POC1B: variants seen among roughly 807,000 people sequenced by gnomAD.
The protein encoded by POC1B is POC1 centriolar protein B.
A neutral mutation model predicts 60.6 loss-of-function variants in POC1B; 44 were observed. The ratio of observed to expected loss-of-function variants is 0.73; its 90% CI spans 0.57 to 0.93. POC1B has a LOEUF of 0.93. Among genes scored for constraint, POC1B ranks in the 40% least tolerant of loss-of-function variants. The pLI is 0.00. For synonymous variants in POC1B, 180 were observed against 198.9 expected (o/e 0.90, Z 0.80); for missense variants, 555 against 572.3 (o/e 0.97, Z 0.31).
chr12:89,467,818 G>C, intron 7 of POC1B, 133 bp from the exon 8 acceptor site: 2 of 512,280 alleles, frequency 3.9e-6, no homozygotes, highest in Non-Finnish European at 6.6e-6. Context: ...AAACACATCA[G>C]TTGCTAGCAA....
At chr12:89,407,219 C>CT in the POC1B span, among the ~76,000 whole-genome samples, 2 of 133,286 alleles carry the variant, frequency 1.5e-5, no homozygotes, top group Non-Finnish European at 3.2e-5. Flanking sequence ...TTTCTTTTTT[C>CT]TTTTTTTGGG....
chr12:89,498,114 T>C (rs1869348636), intron 2 of POC1B, among the ~76,000 whole-genome samples: 1 of 152,234 alleles, frequency 6.6e-6, no homozygotes, highest in Admixed American at 6.5e-5. Context: ...TATTTTAATA[T>C]AGCAACTATA....
intron 10 of POC1B, among the ~76,000 whole-genome samples, chr12:89,450,045 T>C: frequency 6.6e-6 from 1 of 152,176 alleles, no homozygotes; most frequent in Non-Finnish European, 1.5e-5. Flanking sequence ...CTAAGATGTT[T>C]GGGGATTGAT....
the POC1B span, among the ~76,000 whole-genome samples, chr12:89,407,366 G>A: frequency 1.1e-4 from 17 of 151,728 alleles, no homozygotes; most frequent in African/African-American, 3.4e-4. Flanking sequence ...CCAAGTAGCT[G>A]GGATTATAGG....
chr12:89,448,536 TG>T (rs1214459030), intron 10 of POC1B, among the ~76,000 whole-genome samples: 2 of 152,158 alleles, frequency 1.3e-5, no homozygotes, highest in Admixed American at 6.5e-5. Context: ...TGAAAATTAG[TG>T]ACAGGGCAGA....
rs1021599718 is a variant in POC1B, at chr12:89,522,916, C to G, written c.100+2204G>C. On this transcript the variant is annotated intron_variant, in intron 2 of 11. Transcript: ENST00000313546. The stretch of plus-strand genomic sequence containing the variant: ...TGTCCGATAAGCACTAAGACACAGT[C>G]CTGAGTGTGGGTGAAAAATAGTTCC... 7 of 1,613,920 alleles carry G rather than the reference C, an allele frequency of 4.3e-6. No homozygotes were observed. The African/African-American group carries it at 6.7e-5, about 15-fold the overall frequency.
rs372370001 is a variant in POC1B, at chr12:89,525,119, C to A, written c.100+1G>T. 6.2e-7 allele frequency: 1 copy of A among 1,614,038 alleles called. No individual in the cohort carries two copies. Among genetic ancestry groups the A allele is most frequent in the Non-Finnish European group, 8.5e-7 (1 of 1,179,898 alleles). ...AAAAGCAAAACAAGAATAAGACTTACCAAGTTGCTTGCCGTTGGGGCTGAG... is the reference window on the plus strand; with the variant it reads ...AAAAGCAAAACAAGAATAAGACTTAACAAGTTGCTTGCCGTTGGGGCTGAG... On this transcript the variant is annotated splice_donor_variant, in intron 2 of 11. Coordinates refer to ENST00000313546, the MANE Select transcript of POC1B (RefSeq NM_172240.3). LOFTEE classifies it high-confidence loss of function.
intron 9 of POC1B, among the ~76,000 whole-genome samples, chr12:89,465,424 T>C (rs1345314695): frequency 6.6e-6 from 1 of 152,048 alleles, no homozygotes; most frequent in Non-Finnish European, 1.5e-5. Flanking sequence ...CAAATGGATA[T>C]TTCCCTCCTG....
In POC1B at chr12:89,477,452, C is replaced by T. The variant is rs954068268; in HGVS notation, c.453-5177G>A. ...TGAGTACAACTGCTTGCTGGGCATCCCCTTTTGGATATCCTGCAGGAACCT... is the reference window on the plus strand; with the variant it reads ...TGAGTACAACTGCTTGCTGGGCATCTCCTTTTGGATATCCTGCAGGAACCT... On this transcript the variant is annotated intron_variant, in intron 4 of 11. Coordinates refer to ENST00000313546, the MANE Select transcript of POC1B (RefSeq NM_172240.3). Among the ~76,000 whole-genome samples the T allele has an allele frequency of 3.1e-4, 47 of 152,040 alleles. 1 individual carries two copies. The highest frequency in any genetic ancestry group is 1.1e-3 in the African/African-American group (46 of 41,400).
In POC1B at chr12:89,425,172, C is replaced by T; in HGVS notation, c.1321G>A (p.Val441Ile). Residue 441 changes from valine to isoleucine, a missense_variant, in exon 11 of 12, where the codon GTT (valine) becomes ATT (isoleucine). Physicochemically the swap from Val to Ile is conservative, Grantham distance 29 (BLOSUM62 3). Coordinates refer to ENST00000313546, the MANE Select transcript of POC1B (RefSeq NM_172240.3). ...TGTGTCATGCCCACCTGTGTCAAAA[C>T]ATTGAGTTGTTCCATAATATGCTCT... ...ALEHIMEQLN[V>I]LTQTVSILEQ... 4 of 1,614,062 alleles carry T rather than the reference C, an allele frequency of 2.5e-6. No individual in the cohort carries two copies. The highest frequency in any genetic ancestry group is 3.4e-6 in the Non-Finnish European group (4 of 1,179,944).
intron 2 of POC1B, among the ~76,000 whole-genome samples, chr12:89,506,748 G>A (rs193077147): frequency 2.8e-4 from 43 of 152,276 alleles, no homozygotes; most frequent in African/African-American, 9.4e-4. Flanking sequence ...CAACTGTACA[G>A]GAGGTATGCC....
intron 2 of POC1B, among the ~76,000 whole-genome samples, chr12:89,517,045 G>A (rs953315554): frequency 1.3e-5 from 2 of 152,046 alleles, no homozygotes; most frequent in Non-Finnish European, 2.9e-5. Flanking sequence ...ATGGACACAT[G>A]TTTTGGAGGG....
At chr12:89,523,491 C>A (rs1476144938) in intron 2 of POC1B, 2 of 1,612,072 alleles carry the variant, frequency 1.2e-6, no homozygotes, top group Admixed American at 3.4e-5. Flanking sequence ...ACGGGTGGAT[C>A]TCCAATTTGC....
chr12:89,402,954 C>A, the POC1B span, among the ~76,000 whole-genome samples: 1 of 150,994 alleles, frequency 6.6e-6, no homozygotes, highest in South Asian at 2.1e-4. Context: ...TCTGCCTCTG[C>A]CTCGCACAGT....
At chr12:89,459,500 G>T (rs1882392488) in intron 10 of POC1B, 138 bp downstream of exon 10, 21 of 283,400 alleles carry the variant, frequency 7.4e-5, no homozygotes, top group Non-Finnish European at 1.0e-4. Flanking sequence ...TGACTATAAA[G>T]TTTTTCCTAT....
At chr12:89,470,546 G>T (rs1297272285) in intron 6 of POC1B, 52 bp from the exon 7 acceptor site, 1 of 1,453,492 alleles carries the variant, frequency 6.9e-7, no homozygotes, top group Non-Finnish European at 9.3e-7. Context: ...TCTTACTTTT[G>T]AAGATACCCC....
intron 2 of POC1B, among the ~76,000 whole-genome samples, chr12:89,518,824 T>G (rs1255605262): frequency 6.6e-6 from 1 of 152,160 alleles, no homozygotes; most frequent in African/African-American, 2.4e-5. Flanking sequence ...ATACAAGTAT[T>G]TACAGGAACT....
chr12:89,430,051 C>G (rs1880964123), intron 10 of POC1B, among the ~76,000 whole-genome samples: 1 of 152,198 alleles, frequency 6.6e-6, no homozygotes, highest in Admixed American at 6.5e-5. Context: ...AGGGCAATCA[C>G]TATTCTTAAG....
At chr12:89,454,695 C>T (rs1453765593) in intron 10 of POC1B, among the ~76,000 whole-genome samples, 1 of 152,204 alleles carries the variant, frequency 6.6e-6, no homozygotes, top group Non-Finnish European at 1.5e-5. Context: ...TGGCAGCCCT[C>T]TACCTATCTT....
Sources: gnomAD v4.1 joint callset for allele counts (sites outside exome capture counted in the v4.1 genomes callset) on GRCh38, gnomAD v4.1.1 for gene constraint, MANE v1.5 for transcripts, NCBI Gene and HGNC (gene_info 2026-07-23, HGNC 2026-07-21) for gene names.